The following NBEAL2 variants were observed in gnomAD, a reference collection of about 807,000 sequenced individuals.
NBEAL2 encodes the protein neurobeachin like 2.
Under a neutral mutation model 299.8 loss-of-function variants are expected in NBEAL2, and 160 were observed. That is an observed-to-expected ratio of 0.53 (90% CI 0.47 to 0.61). The LOEUF (loss-of-function observed/expected upper bound fraction) is 0.61. Among genes scored for constraint, NBEAL2 ranks in the 20% least tolerant of loss-of-function variants. The pLI is 0.00. For missense variants in NBEAL2, 3,112 were observed against 3,649.0 expected (o/e 0.85, Z 3.79); for synonymous variants, 1,493 against 1,542.3 (o/e 0.97, Z 0.75).
intron 52 of NBEAL2, 124 bp downstream of exon 52, chr3:47,008,792 C>T: frequency 6.8e-7 from 1 of 1,476,240 alleles, no homozygotes; most frequent in Non-Finnish European, 9.1e-7. Flanking sequence ...TGTTACCTGT[C>T]CCTTCATCTT....
chr3:47,002,084 T>TGCAGCTGCA lies in NBEAL2; in HGVS notation c.4967_4975dup (p.Ala1656_Ala1658dup), dbSNP rs535036383. On this transcript the variant is annotated inframe_insertion, in exon 31 of 54. Transcript: ENST00000450053. ...CCACTGATGAGGCAGGGTCCCCACTTGCAGCTGCAGCAGCTGCAGCAGCTG... is the reference window on the plus strand; with the variant it reads ...CCACTGATGAGGCAGGGTCCCCACTTGCAGCTGCAGCAGCTGCAGCAGCTGCAGCAGCTG... 4.4e-4 allele frequency: 677 copies of TGCAGCTGCA among 1,551,646 alleles called. 3 individuals are homozygous for TGCAGCTGCA. In the African/African-American group the frequency reaches 6.5e-3, roughly 15 times the overall value.
At position 46,992,463 on chromosome 3, in the gene NBEAL2, A is replaced by C. The variant is rs1422832329; in HGVS notation, c.1033-12A>C. ...TGCCTCCTCCACCCTGTGCCTCCCC[A>C]CTTCCCCACAGCTGTACCTGCAGTC... On this transcript the variant is annotated splice_polypyrimidine_tract_variant and intron_variant, in intron 9 of 53. Coordinates refer to ENST00000450053, the MANE Select transcript of NBEAL2 (RefSeq NM_015175.3). The C allele has an allele frequency of 6.2e-7, 1 of 1,600,806 alleles. No individual in the cohort carries two copies.
At position 46,999,383 on chromosome 3, in the gene NBEAL2, G is replaced by C. The variant is rs2036776696; in HGVS notation, c.3612G>C (p.Glu1204Asp). The C allele has an allele frequency of 6.2e-7, 1 of 1,606,894 alleles. No individual in the cohort carries two copies. The highest frequency in any genetic ancestry group is 8.5e-7 in the Non-Finnish European group (1 of 1,177,416). ...GCCGCCAGCGCCTCCGGCTGCGGGA[G>C]TGTGGTCTCCAGGGTCTGGTTGCCT... ...ERSRQRLRLR[E>D]CGLQGLVACL... Residue 1204 changes from glutamate (E) to aspartate (D), a missense_variant, in exon 25 of 54, where the codon GAG (glutamate) becomes GAC (aspartate). Physicochemically the swap from Glu to Asp is conservative, Grantham distance 45. Around this residue, in one of 3 missense-constraint regions of NBEAL2, gnomAD observed 2,243 missense variants for 2,538.1 expected, o/e 0.88. Transcript: ENST00000450053.
chr3:47,001,567 T>G lies in NBEAL2; in HGVS notation c.4645-122T>G. Reference sequence around the variant, plus strand: ...GTGCATCAGCATGAATGCCTGTGAGTGTGGACTTGCCTGTGTGCACAAACC... The same window carrying G: ...GTGCATCAGCATGAATGCCTGTGAGGGTGGACTTGCCTGTGTGCACAAACC... On this transcript the variant is annotated intron_variant, in intron 29 of 53. Transcript: ENST00000450053. The surrounding 1 kb of genome is among the most constrained non-coding windows in gnomAD (Gnocchi z 6.1). The G allele has an allele frequency of 6.4e-7, 1 of 1,559,658 alleles. No individual in the cohort carries two copies. The highest frequency in any genetic ancestry group is 2.3e-5 in the East Asian group (1 of 44,026).
Position 46,989,631 on chromosome 3 carries a change from C to G in NBEAL2, c.556+38C>G. On this transcript the variant is annotated intron_variant, in intron 6 of 53. Transcript: ENST00000450053. This position sits in a 1 kb window ranked among gnomAD's most constrained non-coding sequence, Gnocchi z 5.5. Reference sequence around the variant, plus strand: ...CCCTGCCCCCACTTGGCTCCACCCCCAAACCTAGGCCCCTTCCTGTCGTTC... The same window carrying G: ...CCCTGCCCCCACTTGGCTCCACCCCGAAACCTAGGCCCCTTCCTGTCGTTC... The G allele has an allele frequency of 6.6e-7, 1 of 1,519,876 alleles. No homozygotes were observed. The highest frequency in any genetic ancestry group is 1.2e-5 in the South Asian group (1 of 83,556). The allele number at this position is 1,519,876 out of a possible 1,614,324, so 94.1% of individuals were successfully genotyped here.
chr3:46,987,278 C>T (rs539689982), intron 1 of NBEAL2, among the ~76,000 whole-genome samples: 28 of 152,362 alleles, frequency 1.8e-4, no homozygotes, highest in African/African-American at 6.3e-4. Context: ...AGGCCCATGG[C>T]CCCTGGGGAG....
Position 47,002,094 on chromosome 3 carries a change from G to T in NBEAL2, c.4957G>T (p.Ala1653Ser), listed in dbSNP as rs754659679. 4 of 1,550,534 alleles carry T rather than the reference G, an allele frequency of 2.6e-6. No homozygotes were observed. The highest frequency in any genetic ancestry group is 3.5e-6 in the Non-Finnish European group (4 of 1,146,872). ...GGCAGGGTCCCCACTTGCAGCTGCA[G>T]CAGCTGCAGCAGCTGCAGAGCGCTG... ...DEAGSPLAAAAAAAAAERCSW... is the reference protein window; with the variant it reads ...DEAGSPLAAASAAAAAERCSW... The change falls in exon 31 of 54, where the codon GCA becomes TCA. Residue 1653 changes from alanine (A) to serine (S), a missense_variant. Ala to Ser is a moderately conservative substitution (Grantham distance 99). This residue lies in a region of NBEAL2 where 2,243 missense variants were observed against 2,538.1 expected (regional missense o/e 0.88). Coordinates refer to ENST00000450053, the MANE Select transcript of NBEAL2 (RefSeq NM_015175.3).
Position 46,991,167 on chromosome 3 carries a change from C to A in NBEAL2, c.557-52C>A. 1 of 1,496,174 alleles carries A rather than the reference C, an allele frequency of 6.7e-7. No homozygotes were observed. The highest frequency in any genetic ancestry group is 9.2e-7 in the Non-Finnish European group (1 of 1,091,932). The allele number at this position is 1,496,174 out of a possible 1,614,324, so 92.7% of individuals were successfully genotyped here. On this transcript the variant is annotated intron_variant, in intron 6 of 53. Coordinates refer to ENST00000450053, the MANE Select transcript of NBEAL2 (RefSeq NM_015175.3). This position sits in a 1 kb window ranked among gnomAD's most constrained non-coding sequence, Gnocchi z 6.2. ...TCACCTCTTGTGCAGCCCCCTGGGT[C>A]CATAGCCCTGCAACCTTGGTGACAT...
chr3:46,996,335 C>G lies in NBEAL2; in HGVS notation c.2216C>G (p.Pro739Arg). The G allele has an allele frequency of 1.2e-6, 2 of 1,612,018 alleles. No individual in the cohort carries two copies. The highest frequency in any genetic ancestry group is 1.7e-6 in the Non-Finnish European group (2 of 1,179,862). The change falls in exon 16 of 54, where the codon CCC (proline) becomes CGC (arginine). Residue 739 changes from proline (P) to arginine (R), a missense_variant. Physicochemically the swap from Pro to Arg is moderately radical, Grantham distance 103 (BLOSUM62 -2). Around this residue, in one of 3 missense-constraint regions of NBEAL2, gnomAD observed 2,243 missense variants for 2,538.1 expected, o/e 0.88. Coordinates refer to ENST00000450053, the MANE Select transcript of NBEAL2 (RefSeq NM_015175.3). ...ACAACGACCACCACCACAGGGCTGC[C>G]CACACCACCAGTCCCCGCCACCCTG... is the stretch of plus-strand genomic sequence containing the variant. Reference protein sequence around the residue: ...YRTTTTTTGLPTPPVPATLAY... With the variant: ...YRTTTTTTGLRTPPVPATLAY...
In NBEAL2 at chr3:47,009,581, G is replaced by T; in HGVS notation, c.*261G>T. On this transcript the variant is annotated 3_prime_UTR_variant, in exon 54 of 54. Coordinates refer to ENST00000450053, the MANE Select transcript of NBEAL2 (RefSeq NM_015175.3). ...CAGCAGCACTTTTTGCACAGTCTGG[G>T]GCGGGGTTCCCCGGCTTCCAAGTCG... 3 of 498,514 alleles carry T rather than the reference G, an allele frequency of 6.0e-6. No individual in the cohort carries two copies. The highest frequency in any genetic ancestry group is 1.1e-3 in the Middle Eastern group (2 of 1,890). 30.9% of individuals were successfully genotyped at this position (498,514 alleles called of 1,614,324 possible).
rs766130331 is a variant in NBEAL2 at position 47,009,203 on chromosome 3, C to T, written c.8164-16C>T. 8 of 1,583,154 alleles carry T rather than the reference C, an allele frequency of 5.1e-6. No homozygotes were observed. Among genetic ancestry groups the T allele is most frequent in the South Asian group, 4.6e-5 (4 of 86,386 alleles). On this transcript the variant is annotated splice_polypyrimidine_tract_variant and intron_variant, in intron 53 of 53. Transcript: ENST00000450053. ...GGCGATCCCAGCTGATCCTACTCAA[C>T]CCTTACGCCCACCAGGTGCGCAGCA...
At position 46,998,155 on chromosome 3, in the gene NBEAL2, T is replaced by G; in HGVS notation, c.3047T>G (p.Leu1016Arg). The G allele has an allele frequency of 1.2e-6, 2 of 1,605,660 alleles. No homozygotes were observed. Among genetic ancestry groups the G allele is most frequent in the Non-Finnish European group, 1.7e-6 (2 of 1,176,192 alleles). ...GCAGCTGAGGGCAGCGGGCCCCTCCTGTACCTACTCTACCAGCATTTGCTC... is the reference window on the plus strand; with the variant it reads ...GCAGCTGAGGGCAGCGGGCCCCTCCGGTACCTACTCTACCAGCATTTGCTC... Reference protein sequence around the residue: ...QVAAEGSGPLLYLLYQHLLFN... With the variant: ...QVAAEGSGPLRYLLYQHLLFN... Residue 1016 changes from leucine to arginine, a missense_variant, in exon 21 of 54, where the codon CTG (leucine) becomes CGG (arginine). By Grantham distance (102) the Leu-to-Arg change is moderately radical. This residue lies in a region of NBEAL2 where 2,243 missense variants were observed against 2,538.1 expected (regional missense o/e 0.88). Coordinates refer to ENST00000450053, the MANE Select transcript of NBEAL2 (RefSeq NM_015175.3).
Position 47,005,600 on chromosome 3 carries a change from C to T in NBEAL2, c.6672C>T (p.Asp2224=). The change falls in exon 41 of 54, where the codon GAC becomes GAT. Residue 2224 remains aspartate, a synonymous_variant. Coordinates refer to ENST00000450053, the MANE Select transcript of NBEAL2 (RefSeq NM_015175.3). ...TCCCGGAATTCTTCTACTTTCCTGA[C>T]TTCCTGGAGAACCAGAACGGTAGGT... is the stretch of plus-strand genomic sequence containing the variant. ...ELIPEFFYFP[D]FLENQNGFDL... is the part of the protein sequence containing the mutation. The T allele has an allele frequency of 6.2e-7, 1 of 1,613,616 alleles. No individual in the cohort carries two copies. The highest frequency in any genetic ancestry group is 8.5e-7 in the Non-Finnish European group (1 of 1,179,750).
Position 46,986,182 on chromosome 3 carries a change from G to A in NBEAL2, c.52-2487G>A, listed in dbSNP as rs141035799. On this transcript the variant is annotated intron_variant, in intron 1 of 53. Coordinates refer to ENST00000450053, the MANE Select transcript of NBEAL2 (RefSeq NM_015175.3). Reference sequence around the variant, plus strand: ...AGGCTGTCTTGATTGTCCCAGCCCTGAACCCAGCTCAGCCCAATCTGCTGA... The same window carrying A: ...AGGCTGTCTTGATTGTCCCAGCCCTAAACCCAGCTCAGCCCAATCTGCTGA... Among the ~76,000 whole-genome samples, 59 of 152,282 alleles carry A rather than the reference G, an allele frequency of 3.9e-4. No homozygotes were observed. The East Asian group carries it at 0.01, about 26-fold the overall frequency.
At chr3:46,998,677 T>G in intron 22 of NBEAL2, 40 bp from the exon 23 acceptor site, 3 of 1,556,986 alleles carry the variant, frequency 1.9e-6, no homozygotes, top group African/African-American at 1.4e-5. Flanking sequence ...CTCCCCGCCT[T>G]TCTTTGGGAC....
chr3:46,988,608 C>CCCTG lies in NBEAL2; in HGVS notation c.52-58_52-55dup. The CCCTG allele has an allele frequency of 7.0e-7, 1 of 1,419,574 alleles. No homozygotes were observed. Among genetic ancestry groups the CCCTG allele is most frequent in the Admixed American group, 1.7e-5 (1 of 59,042 alleles). The allele number at this position is 1,419,574 out of a possible 1,614,324, so 87.9% of individuals were successfully genotyped here. On this transcript the variant is annotated intron_variant, in intron 1 of 53. Transcript: ENST00000450053. This position sits in a 1 kb window ranked among gnomAD's most constrained non-coding sequence, Gnocchi z 4.4. ...TTCGCCTCTGTCTACATCCCCTTGTCCCTGCCCTGTTTACTGCATCCCTCC... is the reference window on the plus strand; with the variant it reads ...TTCGCCTCTGTCTACATCCCCTTGTCCCTGCCTGCCCTGTTTACTGCATCCCTCC...
chr3:46,981,017 C>G (rs1279625138), intron 1 of NBEAL2, among the ~76,000 whole-genome samples: 1 of 152,228 alleles, frequency 6.6e-6, no homozygotes, highest in Non-Finnish European at 1.5e-5. Flanking sequence ...GCCAGAAGGA[C>G]CACAGCCTCT....
chr3:47,005,152 TCTG>T, intron 39 of NBEAL2, 26 bp from the exon 40 acceptor site: 1 of 1,613,798 alleles, frequency 6.2e-7, no homozygotes, highest in African/African-American at 1.3e-5. Context: ...GGGGAGGGCT[TCTG>T]CTGACACGTC....
chr3:47,001,986 GA>G lies in NBEAL2; in HGVS notation c.4850del (p.Glu1617GlyfsTer17). ...GACTGCAGTGCCAGCCCGCCGCGAG[GA>G]GGCCTGCTATGTGCTCTCCAAGCTG... ...LQTAVPARREEACYVLSKLEA... is the reference protein window; with the variant it reads ...LQTAVPARREXACYVLSKLEA... On this transcript the variant is annotated frameshift_variant, in exon 31 of 54. Transcript: ENST00000450053. LOFTEE classifies it high-confidence loss of function. This position sits in a 1 kb window ranked among gnomAD's most constrained non-coding sequence, Gnocchi z 6.1. 6.2e-7 allele frequency: 1 copy of G among 1,606,778 alleles called. No individual in the cohort carries two copies. Among genetic ancestry groups the G allele is most frequent in the Non-Finnish European group, 8.5e-7 (1 of 1,176,976 alleles).
Sources: allele counts gnomAD v4.1 joint callset (sites outside exome capture counted in the v4.1 genomes callset), GRCh38; gene constraint gnomAD v4.1.1; regional missense constraint gnomAD v4.1.1; non-coding constraint Gnocchi (gnomAD v3.1); transcripts MANE v1.5; gene names NCBI Gene and HGNC (gene_info 2026-07-23, HGNC 2026-07-21).